CTNNA3: variants seen among roughly 807,000 people sequenced by gnomAD.
CTNNA3 encodes catenin alpha 3.
In CTNNA3, 76 loss-of-function variants were observed where a neutral mutation model predicts 95.7. The ratio of observed to expected loss-of-function variants is 0.79; its 90% confidence interval spans 0.66 to 0.96. The LOEUF (loss-of-function observed/expected upper bound fraction) is 0.96. Ranked by LOEUF, CTNNA3 falls within the 40% of genes least tolerant of loss-of-function variation. The pLI is 0.00. For synonymous variants in CTNNA3, 431 were observed against 374.4 expected (o/e 1.15, Z -1.74); for missense variants, 1,191 against 1,089.8 (o/e 1.09, Z -1.31).
chr10:66,398,667 C>CTT (rs140938297), intron 11 of CTNNA3, among the ~76,000 whole-genome samples: 3 of 151,606 alleles, frequency 2.0e-5, no homozygotes, highest in East Asian at 3.9e-4. Context: ...AAACAGAACA[C>CTT]TTTTTTTTAG....
At chr10:67,558,847 G>C (rs1013391392) in intron 3 of CTNNA3, among the ~76,000 whole-genome samples, 3 of 152,212 alleles carry the variant, frequency 2.0e-5, no homozygotes, top group South Asian at 4.1e-4. Flanking sequence ...CCCGCACATG[G>C]CTCGGAGGGT....
At chr10:67,454,688 CAACTCT>C (rs914815710) in intron 5 of CTNNA3, among the ~76,000 whole-genome samples, 156 of 152,028 alleles carry the variant, frequency 1.0e-3, no homozygotes, top group African/African-American at 3.7e-3. Flanking sequence ...TAACGATGTT[CAACTCT>C]AACATTTTAT....
At position 67,180,483 on chromosome 10, in the gene CTNNA3, T is replaced by C; in HGVS notation, c.881A>G (p.Glu294Gly). The part of the protein sequence containing the change: ...IVLNPLTVTE[E>G]EIRPSLEKRL... ...TTTCTCTAGTGATGGTCGTATTTCC[T>C]CCTCAGTTACTGTGAGTGGATTCAG... is the stretch of plus-strand genomic sequence containing the variant. The change falls in exon 7 of 18, where the codon GAG (glutamate) becomes GGG (glycine). Residue 294 changes from glutamate (E) to glycine (G), a missense_variant. Transcript: ENST00000433211. The C allele has an allele frequency of 6.2e-7, 1 of 1,613,804 alleles. No homozygotes were observed. Among genetic ancestry groups the C allele is most frequent in the Non-Finnish European group, 8.5e-7 (1 of 1,179,818 alleles).
chr10:67,687,890 G>A (rs1334780461), intron 1 of CTNNA3, among the ~76,000 whole-genome samples: 1 of 152,102 alleles, frequency 6.6e-6, no homozygotes, highest in Non-Finnish European at 1.5e-5. Flanking sequence ...TGCAACTCCA[G>A]TCCCCATGAT....
chr10:67,032,030 T>G (rs184068099), intron 7 of CTNNA3, among the ~76,000 whole-genome samples: 26 of 152,312 alleles, frequency 1.7e-4, no homozygotes, highest in African/African-American at 6.0e-4. Context: ...CCATGCATAA[T>G]TTGTCTGCCT....
chr10:66,524,304 C>T (rs1841173850), intron 10 of CTNNA3, among the ~76,000 whole-genome samples: 2 of 152,132 alleles, frequency 1.3e-5, no homozygotes, highest in South Asian at 4.1e-4. Flanking sequence ...ATGTATTATT[C>T]ATCTTTGCTT....
intron 5 of CTNNA3, among the ~76,000 whole-genome samples, chr10:67,481,897 C>T (rs1158758195): frequency 6.6e-6 from 1 of 151,902 alleles, no homozygotes; most frequent in Non-Finnish European, 1.5e-5. Flanking sequence ...ATGTTTAAGT[C>T]TTTAATCCAT....
intron 10 of CTNNA3, among the ~76,000 whole-genome samples, chr10:66,597,711 C>A (rs138376612): frequency 2.0e-5 from 3 of 150,736 alleles, no homozygotes; most frequent in Admixed American, 6.6e-5. Context: ...CAGGAGAGTG[C>A]GGATGATATA....
intron 14 of CTNNA3, among the ~76,000 whole-genome samples, chr10:66,096,777 G>A (rs2081408263): frequency 6.6e-6 from 1 of 152,066 alleles, no homozygotes; most frequent in African/African-American, 2.4e-5. Context: ...ACCCACCTCA[G>A]CCTCCCAAAG....
chr10:66,254,415 C>T (rs1300114536), intron 13 of CTNNA3, among the ~76,000 whole-genome samples: 2 of 152,136 alleles, frequency 1.3e-5, no homozygotes, highest in African/African-American at 4.8e-5. Flanking sequence ...GTAATCATTC[C>T]TCATGACCTA....
intron 17 of CTNNA3, among the ~76,000 whole-genome samples, chr10:65,964,922 T>C (rs2077925133): frequency 6.6e-6 from 1 of 152,186 alleles, no homozygotes; most frequent in Non-Finnish European, 1.5e-5. Flanking sequence ...TATAAATGTA[T>C]ATATACATAC....
intron 8 of CTNNA3, among the ~76,000 whole-genome samples, chr10:66,769,105 T>A (rs1839980436): frequency 6.6e-6 from 1 of 152,238 alleles, no homozygotes; most frequent in African/African-American, 2.4e-5. Flanking sequence ...ATTTCCCATC[T>A]GCAACTATAG....
upstream of CTNNA3, among the ~76,000 whole-genome samples, chr10:67,699,737 G>T (rs991356963): frequency 6.6e-6 from 1 of 152,238 alleles, no homozygotes; most frequent in Non-Finnish European, 1.5e-5. Context: ...TGAGGTACCA[G>T]GTTCATCTCA....
At chr10:66,823,497 C>G (rs1842373927) in intron 7 of CTNNA3, among the ~76,000 whole-genome samples, 2 of 152,122 alleles carry the variant, frequency 1.3e-5, no homozygotes, top group African/African-American at 2.4e-5. Flanking sequence ...AGTGGTCAGG[C>G]AGCTGGAGGC....
At chr10:67,013,828 G>A (rs1301507058) in intron 7 of CTNNA3, among the ~76,000 whole-genome samples, 2 of 152,032 alleles carry the variant, frequency 1.3e-5, no homozygotes, top group Non-Finnish European at 2.9e-5. Flanking sequence ...GTCATTACTG[G>A]TGAATACAGA....
At chr10:66,601,438 T>C (rs1041706511) in intron 10 of CTNNA3, among the ~76,000 whole-genome samples, 5 of 151,934 alleles carry the variant, frequency 3.3e-5, no homozygotes, top group African/African-American at 1.2e-4. Context: ...CAATATCATA[T>C]TGATAGCTTG....
At chr10:67,389,880 A>C in intron 5 of CTNNA3, among the ~76,000 whole-genome samples, 1 of 151,922 alleles carries the variant, frequency 6.6e-6, no homozygotes. Flanking sequence ...GACACAACAT[A>C]CCAGAATCTC....
intron 1 of CTNNA3, among the ~76,000 whole-genome samples, chr10:67,676,043 C>A (rs906213094): frequency 6.6e-6 from 1 of 151,880 alleles, no homozygotes; most frequent in Middle Eastern, 3.2e-3. Flanking sequence ...AAGATTATAT[C>A]ATATAAACTA....
intron 2 of CTNNA3, among the ~76,000 whole-genome samples, chr10:67,624,503 G>A (rs2133420022): frequency 6.6e-6 from 1 of 152,260 alleles, no homozygotes; most frequent in Admixed American, 6.5e-5. Flanking sequence ...GGGTTATGAG[G>A]TAATCATTCT....
Sources: allele counts gnomAD v4.1 joint callset (sites outside exome capture counted in the v4.1 genomes callset), GRCh38; gene constraint gnomAD v4.1.1; transcripts MANE v1.5; gene names NCBI Gene and HGNC (gene_info 2026-07-23, HGNC 2026-07-21).